Variants in MTDH observed in about 807,000 individuals in gnomAD.
MTDH encodes the protein protein LYRIC.
In MTDH, 34 loss-of-function variants were observed where a neutral mutation model predicts 72.7. That is an observed-to-expected ratio of 0.47 (90% CI 0.36 to 0.62). The LOEUF is 0.62. Ranked by LOEUF, MTDH falls within the 20% of genes least tolerant of loss-of-function variation. MTDH has a pLI of 0.00. For synonymous variants in MTDH, 266 were observed against 268.9 expected (o/e 0.99, Z 0.10); for missense variants, 677 against 699.4 (o/e 0.97, Z 0.36).
intron 8 of MTDH, 68 bp downstream of exon 8, chr8:97,706,818 G>A (rs924620300): frequency 1.4e-5 from 21 of 1,512,600 alleles, no homozygotes; most frequent in East Asian, 4.9e-5. Flanking sequence ...AGTGGCTCAC[G>A]CCTATGATTC....
chr8:97,720,876 A>G (rs1815093801), intron 10 of MTDH, among the ~76,000 whole-genome samples: 2 of 149,024 alleles, frequency 1.3e-5, no homozygotes, highest in Non-Finnish European at 1.5e-5. Flanking sequence ...CTAGTCTCGA[A>G]CTCCTGACCT....
intron 1 of MTDH, among the ~76,000 whole-genome samples, chr8:97,658,388 G>T (rs1812058390): frequency 6.6e-6 from 1 of 152,204 alleles, no homozygotes; most frequent in Non-Finnish European, 1.5e-5. Flanking sequence ...AATGCAGTTG[G>T]TCACTTTCAG....
At chr8:97,685,123 C>A (rs971715836) in intron 2 of MTDH, among the ~76,000 whole-genome samples, 4 of 151,844 alleles carry the variant, frequency 2.6e-5, no homozygotes, top group Admixed American at 1.3e-4. Flanking sequence ...ATACTAAAAA[C>A]CACTGAATTG....
intron 2 of MTDH, among the ~76,000 whole-genome samples, chr8:97,664,766 T>TTTTTCTTTCCTTTCTTTG (rs1812312373): frequency 6.6e-6 from 1 of 152,046 alleles, no homozygotes; most frequent in Non-Finnish European, 1.5e-5. Context: ...TCCTTTCTTT[T>TTTTTCTTTCCTTTCTTTG]TTTTCTTTCC....
intron 6 of MTDH, 72 bp from the exon 7 acceptor site, chr8:97,699,682 A>C: frequency 9.8e-7 from 1 of 1,016,372 alleles, no homozygotes; most frequent in Non-Finnish European, 1.5e-6. Context: ...GTGTCAAAGT[A>C]TAGAACTATT....
intron 7 of MTDH, among the ~76,000 whole-genome samples, chr8:97,701,102 TG>T (rs1311751623): frequency 1.3e-5 from 2 of 152,172 alleles, no homozygotes; most frequent in Non-Finnish European, 2.9e-5. Flanking sequence ...GTCACTTGTC[TG>T]GGAGCTGTAA....
chr8:97,654,595 G>A (rs1811895320), intron 1 of MTDH, among the ~76,000 whole-genome samples: 1 of 150,140 alleles, frequency 6.7e-6, no homozygotes, highest in Non-Finnish European at 1.5e-5. Context: ...TGGGATACAT[G>A]TGCGGAATGT....
chr8:97,651,986 ATATC>A (rs1171910688), intron 1 of MTDH, among the ~76,000 whole-genome samples: 1 of 152,070 alleles, frequency 6.6e-6, no homozygotes, highest in Non-Finnish European at 1.5e-5. Context: ...TCCTCACCTT[ATATC>A]TAACCCATCA....
intron 1 of MTDH, among the ~76,000 whole-genome samples, chr8:97,653,851 TC>T (rs760995702): frequency 8.5e-5 from 13 of 152,246 alleles, no homozygotes; most frequent in Non-Finnish European, 1.6e-4. Flanking sequence ...CCAGAAGGCA[TC>T]CGTCAGAATG....
chr8:97,672,019 C>G (rs962119057), intron 2 of MTDH, among the ~76,000 whole-genome samples: 2 of 151,826 alleles, frequency 1.3e-5, no homozygotes, highest in African/African-American at 4.8e-5. Context: ...TAAAACAGCT[C>G]TTAGCAAAAC....
chr8:97,676,363 G>GT (rs1203400528), intron 2 of MTDH, among the ~76,000 whole-genome samples: 3 of 152,190 alleles, frequency 2.0e-5, no homozygotes, highest in South Asian at 2.1e-4. Flanking sequence ...CCTTGTGATA[G>GT]TTTTGATACT....
chr8:97,686,503 G>A (rs975814018), intron 2 of MTDH, among the ~76,000 whole-genome samples, 165 bp from the exon 3 acceptor site: 1 of 152,066 alleles, frequency 6.6e-6, no homozygotes, highest in Non-Finnish European at 1.5e-5. Context: ...TCACTCAATG[G>A]TAACCTCATA....
At chr8:97,723,599 C>T (rs547143875) in intron 11 of MTDH, among the ~76,000 whole-genome samples, 40 of 149,058 alleles carry the variant, frequency 2.7e-4, no homozygotes, top group Middle Eastern at 3.6e-3. Flanking sequence ...ACAGATTAGC[C>T]GGGCGTGGTG....
intron 8 of MTDH, among the ~76,000 whole-genome samples, chr8:97,709,769 G>C (rs940841565): frequency 6.6e-6 from 1 of 152,196 alleles, no homozygotes. Flanking sequence ...CATTAGGAAG[G>C]TACTGTGAAA....
chr8:97,723,286 T>C (rs1586290810), intron 11 of MTDH, among the ~76,000 whole-genome samples: 1 of 151,042 alleles, frequency 6.6e-6, no homozygotes, highest in South Asian at 2.1e-4. Context: ...TAGTCCCAGC[T>C]ACTCGGGAGG....
chr8:97,708,264 CTTTTTTTTTTTTTTTTTTTTTTTTTTTT>C (rs71271145), intron 8 of MTDH, among the ~76,000 whole-genome samples: 1 of 32,044 alleles, frequency 3.1e-5, no homozygotes, highest in Non-Finnish European at 5.0e-5. Flanking sequence ...CATGCCAGGC[CTTTTTTTTTTTTTTTTTTTTTTTTTTTT>C]TTTTTTTGAG....
chr8:97,708,313 G>A (rs1421156869), intron 8 of MTDH, among the ~76,000 whole-genome samples: 2 of 103,894 alleles, frequency 1.9e-5, no homozygotes, highest in African/African-American at 3.9e-5. Flanking sequence ...ATGGAGTTTC[G>A]CCCTGTCTCC....
chr8:97,659,654 T>C (rs537441136), intron 1 of MTDH, among the ~76,000 whole-genome samples: 1 of 152,350 alleles, frequency 6.6e-6, no homozygotes, highest in African/African-American at 2.4e-5. Context: ...TCTGCTGTAA[T>C]GACTAGGTAG....
At chr8:97,707,112 T>C (rs1814384993) in intron 8 of MTDH, among the ~76,000 whole-genome samples, 1 of 151,624 alleles carries the variant, frequency 6.6e-6, no homozygotes, top group African/African-American at 2.4e-5. Flanking sequence ...TGTATTTTAA[T>C]GATAGGGAGA....
Sources: allele counts gnomAD v4.1 joint callset (sites outside exome capture counted in the v4.1 genomes callset), GRCh38; gene constraint gnomAD v4.1.1; transcripts MANE v1.5; gene names NCBI Gene and HGNC (gene_info 2026-07-23, HGNC 2026-07-21).